The following PMP22 variants were observed in gnomAD, a reference collection of about 807,000 sequenced individuals.
The protein encoded by PMP22 is Charcot-Marie-Tooth neuropathy 1A (greatly reduced nerve conduction velocity, hereditary motor sensory neuropathy Ia).
PMP22 carries 2 observed loss-of-function variants against 18.9 expected under a neutral mutation model. That is an observed-to-expected ratio of 0.11 (90% confidence interval 0.04 to 0.33). The LOEUF (loss-of-function observed/expected upper bound fraction) is 0.33, where lower values mean the gene tolerates loss of function less well. Among genes scored for constraint, PMP22 ranks in the 10% least tolerant of loss-of-function variants. The probability of loss-of-function intolerance (pLI) is 1.00; values close to 1 mark genes in which losing one functional copy is unlikely to be tolerated. For missense variants in PMP22, 169 were observed against 202.2 expected (o/e 0.84, Z 1.00); for synonymous variants, 95 against 89.2 (o/e 1.07, Z -0.37).
intron 3 of PMP22, among the ~76,000 whole-genome samples, chr17:15,251,978 T>C (rs231030): frequency 0.58 from 88,476 of 151,840 alleles, 26,465 homozygotes; most frequent in African/African-American, 0.73. Context: ...TCCTGGCATG[T>C]TGACAACACA....
intron 2 of PMP22, among the ~76,000 whole-genome samples, chr17:15,259,538 C>T (rs945817844): frequency 6.6e-6 from 1 of 152,150 alleles, no homozygotes; most frequent in Non-Finnish European, 1.5e-5. Flanking sequence ...TAGCTCCTAT[C>T]AGTCTGATAT....
intron 3 of PMP22, among the ~76,000 whole-genome samples, chr17:15,244,833 A>C (rs1907653250): frequency 6.6e-6 from 1 of 152,246 alleles, no homozygotes; most frequent in South Asian, 2.1e-4. Context: ...AACGAAGAAG[A>C]GTTTGGTCAA....
At chr17:15,263,785 T>C (rs1909527135) in intron 1 of PMP22, among the ~76,000 whole-genome samples, 1 of 152,216 alleles carries the variant, frequency 6.6e-6, no homozygotes, top group East Asian at 1.9e-4. Context: ...TATCGTGTTA[T>C]CAGATTAAAA....
At chr17:15,233,026 T>C (rs1906492884) in intron 4 of PMP22, among the ~76,000 whole-genome samples, 1 of 152,210 alleles carries the variant, frequency 6.6e-6, no homozygotes. Flanking sequence ...AGGGAATATA[T>C]TATTACAAGA....
At chr17:15,253,121 G>A (rs1908505930) in intron 3 of PMP22, among the ~76,000 whole-genome samples, 1 of 152,144 alleles carries the variant, frequency 6.6e-6, no homozygotes, top group Admixed American at 6.5e-5. Flanking sequence ...GTCTTGGGGA[G>A]GAGGCTTGGC....
chr17:15,243,155 A>T (rs1907498829), intron 3 of PMP22, among the ~76,000 whole-genome samples: 2 of 152,160 alleles, frequency 1.3e-5, no homozygotes, highest in African/African-American at 4.8e-5. Context: ...CCAAAAATTA[A>T]TTGACTTAAT....
chr17:15,247,317 C>T (rs886741635), intron 3 of PMP22, among the ~76,000 whole-genome samples: 2 of 152,088 alleles, frequency 1.3e-5, no homozygotes, highest in African/African-American at 4.8e-5. Flanking sequence ...TGCAGTGAGC[C>T]GAGATGGCGC....
At chr17:15,233,200 C>T (rs992282028) in intron 4 of PMP22, among the ~76,000 whole-genome samples, 1 of 152,148 alleles carries the variant, frequency 6.6e-6, no homozygotes, top group African/African-American at 2.4e-5. Context: ...TTCTCAGCAA[C>T]CAGTAGGTGG....
chr17:15,263,100 C>T (rs776132511), intron 1 of PMP22, among the ~76,000 whole-genome samples: 1 of 152,244 alleles, frequency 6.6e-6, no homozygotes, highest in African/African-American at 2.4e-5. Flanking sequence ...ACTGTCTGCA[C>T]CTACGAAGCA....
In PMP22 at chr17:15,261,449, G is replaced by C. The variant is rs950456995; in HGVS notation, c.-34-688C>G. 1 of 152,524 alleles carries C rather than the reference G, an allele frequency of 6.6e-6. No homozygotes were observed. Among genetic ancestry groups the C allele is most frequent in the African/African-American group, 2.4e-5 (1 of 41,458 alleles). 9.4% of individuals were successfully genotyped at this position (152,524 alleles called of 1,614,324 possible). A position where few individuals can be genotyped will look rare whatever the true frequency, so the allele number is the denominator to read the frequency against. Reference sequence around the variant, plus strand: ...AGAGTAGTGTGGAAAGAAAAGAATGGCTCGAGAGGGTTGCCCGGACCCTGC... The same window carrying C: ...AGAGTAGTGTGGAAAGAAAAGAATGCCTCGAGAGGGTTGCCCGGACCCTGC... On this transcript the variant is annotated intron_variant, in intron 1 of 4. Transcript: ENST00000312280. The surrounding 1 kb of genome is among the most constrained non-coding windows in gnomAD (Gnocchi z 5.2).
intron 2 of PMP22, 32 bp from the exon 3 acceptor site, chr17:15,259,225 G>C (rs765865035): frequency 1.3e-6 from 2 of 1,482,658 alleles, no homozygotes; most frequent in Non-Finnish European, 1.9e-6. Context: ...TCCTGAGTCA[G>C]GGAGGGAGGG....
chr17:15,235,569 T>C (rs965094771), intron 4 of PMP22, among the ~76,000 whole-genome samples: 3 of 152,094 alleles, frequency 2.0e-5, no homozygotes, highest in Non-Finnish European at 4.4e-5. Flanking sequence ...TCTAAGAAGG[T>C]GGTTTAGTTA....
chr17:15,255,137 T>C (rs1597627507), intron 3 of PMP22, among the ~76,000 whole-genome samples: 1 of 152,252 alleles, frequency 6.6e-6, no homozygotes, highest in East Asian at 1.9e-4. Context: ...CTGGGACTTA[T>C]GGAACTGCAT....
intron 3 of PMP22, among the ~76,000 whole-genome samples, chr17:15,253,349 T>C (rs1474731503): frequency 6.6e-6 from 1 of 152,026 alleles, no homozygotes; most frequent in Non-Finnish European, 1.5e-5. Flanking sequence ...ATAAAAGATC[T>C]CAATGAGGAA....
At chr17:15,257,081 A>G (rs1385977395) in intron 3 of PMP22, among the ~76,000 whole-genome samples, 2 of 152,214 alleles carry the variant, frequency 1.3e-5, no homozygotes. Flanking sequence ...GTCCTCACGG[A>G]AAGCAACGAG....
chr17:15,247,543 A>AAAT (rs1160468701), intron 3 of PMP22, among the ~76,000 whole-genome samples: 1 of 152,190 alleles, frequency 6.6e-6, no homozygotes, highest in East Asian at 1.9e-4. Context: ...AGCTCATTTC[A>AAAT]AGGTCAGATT....
chr17:15,246,926 T>C (rs2003544), intron 3 of PMP22, among the ~76,000 whole-genome samples: 2,179 of 150,548 alleles, frequency 0.014, 26 homozygotes, highest in Non-Finnish European at 0.022. Flanking sequence ...AAAAATTAGC[T>C]GGGTGTGGTG....
chr17:15,245,578 G>C (rs16951244), intron 3 of PMP22, among the ~76,000 whole-genome samples: 2,434 of 152,246 alleles, frequency 0.016, 55 homozygotes, highest in African/African-American at 0.054. Flanking sequence ...TTATTGAAGC[G>C]CTGTTAAAGG....
Position 15,258,922 on chromosome 17 carries a change from G to T in PMP22, c.178+172C>A. On this transcript the variant is annotated intron_variant, in intron 3 of 4. Coordinates refer to ENST00000312280, the MANE Select transcript of PMP22 (RefSeq NM_000304.4). This position sits in a 1 kb window ranked among gnomAD's most constrained non-coding sequence, Gnocchi z 4.1. ...TGCCCAGGATCTCAGCTTCCCCAGC[G>T]AGATCACCACCCCTCCCATTTTCCC... 1.5e-6 allele frequency: 1 copy of T among 679,686 alleles called. No homozygotes were observed. Among genetic ancestry groups the T allele is most frequent in the South Asian group, 1.6e-5 (1 of 63,648 alleles). 42.1% of individuals were successfully genotyped at this position (679,686 alleles called of 1,614,324 possible).
Sources: gnomAD v4.1 joint callset for allele counts (sites outside exome capture counted in the v4.1 genomes callset) on GRCh38, gnomAD v4.1.1 for gene constraint, Gnocchi (gnomAD v3.1) non-coding constraint, MANE v1.5 for transcripts, NCBI Gene and HGNC (gene_info 2026-07-23, HGNC 2026-07-21) for gene names.